MBD5: variants seen among roughly 807,000 people sequenced by gnomAD.
MBD5 encodes methyl-CpG-binding domain protein 5.
MBD5 carries 13 observed loss-of-function variants against 117.3 expected under a neutral mutation model. The ratio of observed to expected loss-of-function variants is 0.11; its 90% CI spans 0.07 to 0.18. The LOEUF (loss-of-function observed/expected upper bound fraction) is 0.18. Among genes scored for constraint, MBD5 ranks in the 10% least tolerant of loss-of-function variants. The pLI, the probability that MBD5 is intolerant of heterozygous loss-of-function variation, is 1.00. For missense variants in MBD5, 1,879 were observed against 2,093.8 expected (o/e 0.90, Z 2.00); for synonymous variants, 727 against 766.4 (o/e 0.95, Z 0.85).
At position 148,125,740 on chromosome 2, in the gene MBD5, G is replaced by A. The variant is rs761603334; in HGVS notation, c.-924-52960G>A. ...GTGCAAATGCCTTACTTAATTTTCTGTCTCTCTTACTAGGCTTCCTTGATG... is the reference window on the plus strand; with the variant it reads ...GTGCAAATGCCTTACTTAATTTTCTATCTCTCTTACTAGGCTTCCTTGATG... On this transcript the variant is annotated intron_variant, in intron 1 of 13. Transcript: ENST00000642680. Among the ~76,000 whole-genome samples the A allele has an allele frequency of 2.4e-4, 37 of 152,124 alleles. 1 individual carries two copies. Among genetic ancestry groups the A allele is most frequent in the South Asian group, 4.1e-4 (2 of 4,828 alleles).
rs368390318 is a variant in MBD5, at chr2:148,199,370, C to T, written c.-831+20577C>T. On this transcript the variant is annotated intron_variant, in intron 2 of 13. Transcript: ENST00000642680. ...GGCAAATAATATGGCAGACTTTTAA[C>T]AGTAATTTTCATATTAATACATTTC... Among the ~76,000 whole-genome samples, 17 of 152,296 alleles carry T rather than the reference C, an allele frequency of 1.1e-4. No individual in the cohort carries two copies. The East Asian group carries it at 3.3e-3, about 29-fold the overall frequency.
At chr2:148,427,429 T>G (rs1378708010) in intron 4 of MBD5, among the ~76,000 whole-genome samples, 1 of 150,640 alleles carries the variant, frequency 6.6e-6, no homozygotes, top group African/African-American at 2.4e-5. Context: ...TAGACTGGAT[T>G]CCATATACAC....
intron 2 of MBD5, among the ~76,000 whole-genome samples, chr2:148,209,473 T>C (rs1699368187): frequency 6.6e-6 from 1 of 152,040 alleles, no homozygotes; most frequent in Non-Finnish European, 1.5e-5. Context: ...TTCCTTGATC[T>C]TGGGCCTCCC....
At chr2:148,056,281 T>A (rs529806318) in intron 1 of MBD5, 1 of 152,282 alleles carries the variant, frequency 6.6e-6, no homozygotes, top group East Asian at 1.9e-4. Context: ...AGATGATCAT[T>A]CTCAGCAAAT....
chr2:148,494,298 G>T (rs967082372), intron 11 of MBD5, among the ~76,000 whole-genome samples: 1 of 152,104 alleles, frequency 6.6e-6, no homozygotes, highest in African/African-American at 2.4e-5. Context: ...GTACAAATTG[G>T]CATATCTGAT....
chr2:148,511,907 T>C (rs1002721495), intron 13 of MBD5, among the ~76,000 whole-genome samples: 1 of 152,214 alleles, frequency 6.6e-6, no homozygotes, highest in Admixed American at 6.5e-5. Flanking sequence ...TTTTTAAGCA[T>C]GTAATTGAGC....
chr2:148,389,251 C>CATATATATATATAT (rs70995314), intron 4 of MBD5, among the ~76,000 whole-genome samples: 4 of 32,396 alleles, frequency 1.2e-4, no homozygotes, highest in Non-Finnish European at 2.0e-4. Flanking sequence ...GAAAAAAAAA[C>CATATATATATATAT]ATATATATAT....
chr2:148,371,340 CT>C (rs1242059183), intron 4 of MBD5, among the ~76,000 whole-genome samples: 1 of 152,086 alleles, frequency 6.6e-6, no homozygotes, highest in East Asian at 1.9e-4. Context: ...TGTTGACCTA[CT>C]TTTTTCCCCC....
At chr2:148,388,605 T>C (rs1013820273) in intron 4 of MBD5, among the ~76,000 whole-genome samples, 3 of 152,202 alleles carry the variant, frequency 2.0e-5, no homozygotes, top group Admixed American at 2.0e-4. Context: ...ACAAATATTT[T>C]ATATTCTCAC....
intron 2 of MBD5, among the ~76,000 whole-genome samples, chr2:148,187,644 G>T (rs2105887585): frequency 6.6e-6 from 1 of 152,084 alleles, no homozygotes; most frequent in South Asian, 2.1e-4. Context: ...AATGGAATGA[G>T]ATCGGTATCA....
At chr2:148,038,488 G>C (rs575360751) in intron 1 of MBD5, among the ~76,000 whole-genome samples, 1 of 135,728 alleles carries the variant, frequency 7.4e-6, no homozygotes, top group South Asian at 2.3e-4. Context: ...TAATTACCTT[G>C]AATTTAATAA....
intron 3 of MBD5, among the ~76,000 whole-genome samples, chr2:148,335,804 T>C (rs549390289): frequency 6.6e-6 from 1 of 152,248 alleles, no homozygotes; most frequent in South Asian, 2.1e-4. Flanking sequence ...GCCAGACAAT[T>C]TGCTTTGTAT....
intron 4 of MBD5, among the ~76,000 whole-genome samples, chr2:148,431,542 C>G (rs76775487): frequency 7.6e-4 from 116 of 152,084 alleles, no homozygotes; most frequent in Middle Eastern, 3.4e-3. Flanking sequence ...TCTCTCCCCC[C>G]ACCTCCACTC....
At chr2:148,328,457 G>A (rs1158285327) in intron 3 of MBD5, among the ~76,000 whole-genome samples, 1 of 152,234 alleles carries the variant, frequency 6.6e-6, no homozygotes, top group African/African-American at 2.4e-5. Context: ...CTGCCTTGCA[G>A]TTTGATCTCA....
In MBD5 at chr2:148,296,863, A is replaced by ATTTTTTTTTTTTTTTTTTTTTTTTT. The variant is rs1559010681; in HGVS notation, c.-679-45351_-679-45350insTTTTTTTTTTTTTTTTTTTTTTTTT. 8.5e-4 allele frequency among the ~76,000 whole-genome samples: 32 copies of ATTTTTTTTTTTTTTTTTTTTTTTTT among 37,714 alleles called. 9 individuals are homozygous for ATTTTTTTTTTTTTTTTTTTTTTTTT. Among genetic ancestry groups the ATTTTTTTTTTTTTTTTTTTTTTTTT allele is most frequent in the Admixed American group, 1.3e-3 (3 of 2,228 alleles). 24.7% of individuals were successfully genotyped at this position (37,714 alleles called of 152,430 possible). Reference sequence around the variant, plus strand: ...TAAGCATAGTTTGCTTTAGTTCTTCAATTTTTTTTTTTTTTTTTTTTGGAG... The same window carrying ATTTTTTTTTTTTTTTTTTTTTTTTT: ...TAAGCATAGTTTGCTTTAGTTCTTCATTTTTTTTTTTTTTTTTTTTTTTTTATTTTTTTTTTTTTTTTTTTTGGAG... On this transcript the variant is annotated intron_variant, in intron 3 of 13. Coordinates refer to ENST00000642680, the MANE Select transcript of MBD5 (RefSeq NM_001378120.1).
chr2:148,481,424 G>A (rs1309100941), intron 8 of MBD5, among the ~76,000 whole-genome samples: 2 of 152,132 alleles, frequency 1.3e-5, no homozygotes, highest in Non-Finnish European at 2.9e-5. Context: ...ATGATAAAAT[G>A]TAAAGTTTTT....
chr2:148,179,090 C>A (rs1698456396), intron 2 of MBD5, among the ~76,000 whole-genome samples: 1 of 152,128 alleles, frequency 6.6e-6, no homozygotes, highest in Non-Finnish European at 1.5e-5. Flanking sequence ...CGCGGTGGCT[C>A]ACGCCTGTAA....
intron 3 of MBD5, among the ~76,000 whole-genome samples, chr2:148,297,483 A>G (rs1273175747): frequency 1.3e-5 from 2 of 152,086 alleles, no homozygotes; most frequent in African/African-American, 2.4e-5. Flanking sequence ...TTCTATTGGT[A>G]TCATACCTAC....
chr2:148,320,960 A>C (rs1441366874), intron 3 of MBD5, among the ~76,000 whole-genome samples: 1 of 151,532 alleles, frequency 6.6e-6, no homozygotes, highest in East Asian at 1.9e-4. Context: ...TTTTCATTTC[A>C]TTTTTCCTTT....
Sources: allele counts gnomAD v4.1 joint callset (sites outside exome capture counted in the v4.1 genomes callset), GRCh38; gene constraint gnomAD v4.1.1; transcripts MANE v1.5; gene names NCBI Gene and HGNC (gene_info 2026-07-23, HGNC 2026-07-21).